DHX36: variants seen among roughly 807,000 people sequenced by gnomAD.
The protein encoded by DHX36 is DEAH-box helicase 36.
A neutral mutation model predicts 139.0 loss-of-function variants in DHX36; 50 were observed. That is an observed-to-expected ratio of 0.36 (90% CI 0.29 to 0.46). The LOEUF (loss-of-function observed/expected upper bound fraction) is 0.46, where lower values mean the gene tolerates loss of function less well. Among genes scored for constraint, DHX36 ranks in the 20% least tolerant of loss-of-function variants. The pLI, the probability that DHX36 is intolerant of heterozygous loss-of-function variation, is 1.00. For synonymous variants in DHX36, 425 were observed against 401.9 expected (o/e 1.06, Z -0.69); for missense variants, 1,024 against 1,211.3 (o/e 0.85, Z 2.29).
At chr3:154,319,228 C>T (rs1713101241) in intron 1 of DHX36, 1 of 152,094 alleles carries the variant, frequency 6.6e-6, no homozygotes, top group Non-Finnish European at 1.5e-5. Flanking sequence ...TTTCTTTTAT[C>T]ATAGAATTTT....
At chr3:154,299,140 T>A (rs1172184757) in intron 12 of DHX36, among the ~76,000 whole-genome samples, 1 of 150,718 alleles carries the variant, frequency 6.6e-6, no homozygotes, top group Non-Finnish European at 1.5e-5. Context: ...GGGCATGGTG[T>A]CACATGCCTG....
intron 3 of DHX36, chr3:154,312,296 A>G (rs1712790940): frequency 6.6e-6 from 1 of 152,214 alleles, no homozygotes. Context: ...TCTGAAACAT[A>G]TAAGCTACTC....
rs1005375565 is a variant in DHX36 at position 154,289,642 on chromosome 3, G to T, written c.1932+67C>A. ...TTCTTGGAGATTAATACAGTACTTT[G>T]TTCTACAAAAGATGTTGAAAATGAG... is the stretch of plus-strand genomic sequence containing the variant. On this transcript the variant is annotated intron_variant, in intron 16 of 24. Coordinates refer to ENST00000496811, the MANE Select transcript of DHX36 (RefSeq NM_020865.3). The T allele has an allele frequency of 4.7e-5, 44 of 936,470 alleles. 2 individuals carry two copies. In the South Asian group the frequency reaches 5.5e-4, roughly 12 times the overall value. 58.0% of individuals were successfully genotyped at this position (936,470 alleles called of 1,614,324 possible).
rs1040416983 is a variant in DHX36, at chr3:154,275,557, G to C, written c.*614C>G. ...GCTCCAGACCGTGCTCTCAATTGCT[G>C]TATTATGAGGCACAGGGTGATATAA... On this transcript the variant is annotated 3_prime_UTR_variant, in exon 25 of 25. Transcript: ENST00000496811. 3 of 152,602 alleles carry C rather than the reference G, an allele frequency of 2.0e-5. No homozygotes were observed. The highest frequency in any genetic ancestry group is 6.5e-5 in the Admixed American group (1 of 15,272). 9.5% of individuals were successfully genotyped at this position (152,602 alleles called of 1,614,324 possible). A position where few individuals can be genotyped will look rare whatever the true frequency, so the allele number is the denominator to read the frequency against.
At chr3:154,277,881 ATATAT>A in intron 22 of DHX36, 163 bp from the exon 23 acceptor site, 1 of 530,652 alleles carries the variant, frequency 1.9e-6, no homozygotes, top group Non-Finnish European at 3.1e-6. Flanking sequence ...TTGCAAAAAA[ATATAT>A]TTATATTTGA....
chr3:154,296,290 C>A (rs528507193), intron 12 of DHX36, among the ~76,000 whole-genome samples: 3 of 151,966 alleles, frequency 2.0e-5, no homozygotes, highest in African/African-American at 7.2e-5. Flanking sequence ...CTGGCTAACA[C>A]GGTGAAACCC....
rs370292953 is a variant in DHX36 at position 154,293,785 on chromosome 3, G to A, written c.1633C>T (p.Arg545Trp). ...QVFKRTPPGV[R>W]KIVIATNIAE... ...ATGTTGGTAGCAATTACTATTTTCC[G>A]AACACCAGGAGGGGTTCTTTTAAAC... Residue 545 changes from arginine to tryptophan, a missense_variant, in exon 14 of 25, where the codon CGG becomes TGG. Physicochemically the swap from Arg to Trp is moderately radical, Grantham distance 101 (BLOSUM62 -3). This residue lies in a region of DHX36 where 470 missense variants were observed against 616.2 expected (regional missense o/e 0.76). Coordinates refer to ENST00000496811, the MANE Select transcript of DHX36 (RefSeq NM_020865.3). 2.0e-5 allele frequency: 33 copies of A among 1,612,610 alleles called. No individual in the cohort carries two copies. The highest frequency in any genetic ancestry group is 1.1e-4 in the African/African-American group (8 of 74,914).
At chr3:154,315,335 G>T in intron 2 of DHX36, 55 bp from the exon 3 acceptor site, 1 of 1,274,872 alleles carries the variant, frequency 7.8e-7, no homozygotes, top group Non-Finnish European at 1.1e-6. Context: ...TCAAACACTG[G>T]AACAAAACAA....
At chr3:154,296,443 C>T (rs1221537907) in intron 12 of DHX36, among the ~76,000 whole-genome samples, 2 of 152,118 alleles carry the variant, frequency 1.3e-5, no homozygotes, top group Non-Finnish European at 2.9e-5. Flanking sequence ...CACTGCACTC[C>T]AGCCTAGGTG....
In DHX36 at chr3:154,324,348, T is replaced by C. The variant is rs1576888630; in HGVS notation, c.69A>G (p.Gly23=). Residue 23 remains glycine (G), a synonymous_variant, in exon 1 of 25, where the codon GGA becomes GGG. Transcript: ENST00000496811. ...GGPRSSGGGY[G]GGPAGGHGGN... ...CTCCATGACCCCCTGCTGGCCCCCC[T>C]CCATAGCCCCCACCGGAGCTGCGGG... 6.3e-7 allele frequency: 1 copy of C among 1,579,846 alleles called. No homozygotes were observed. The highest frequency in any genetic ancestry group is 8.6e-7 in the Non-Finnish European group (1 of 1,163,504).
chr3:154,311,597 T>C (rs1484049191), intron 4 of DHX36, 39 bp downstream of exon 4: 2 of 1,561,360 alleles, frequency 1.3e-6, no homozygotes, highest in Non-Finnish European at 8.7e-7. Flanking sequence ...GTGTATTTAA[T>C]TTGCAAATCA....
At chr3:154,301,303 A>G (rs1420121434) in intron 9 of DHX36, among the ~76,000 whole-genome samples, 176 bp from the exon 10 acceptor site, 4 of 152,204 alleles carry the variant, frequency 2.6e-5, no homozygotes, top group South Asian at 2.1e-4. Flanking sequence ...ATAAAACCTG[A>G]TATTTTGGAT....
rs772791323 is a variant in DHX36, at chr3:154,316,082, CTT to C, written c.323_324del (p.Lys108ArgfsTer12). 2 of 1,613,118 alleles carry C rather than the reference CTT, an allele frequency of 1.2e-6. No individual in the cohort carries two copies. The highest frequency in any genetic ancestry group is 2.2e-5 in the East Asian group (1 of 44,834). The stretch of plus-strand genomic sequence containing the variant: ...AACCAGGATATCTGTGCTTCTGACT[CTT>C]TATCATTCTTCGCTTGAACAGAATT... ...LLNSVQAKND[K>X]ESEAQISWFA... is the part of the protein sequence containing the mutation. On this transcript the variant is annotated frameshift_variant, in exon 2 of 25. Transcript: ENST00000496811. LOFTEE classifies it high-confidence loss of function.
At position 154,276,814 on chromosome 3, in the gene DHX36, T is replaced by C; in HGVS notation, c.2774A>G (p.Gln925Arg). The C allele has an allele frequency of 1.2e-6, 2 of 1,613,962 alleles. No individual in the cohort carries two copies. Reference sequence around the variant, plus strand: ...CCACTCATCTACAGCAATAGTTTCCTGATCGTTATCCTTCTGGATGGAAAT... The same window carrying C: ...CCACTCATCTACAGCAATAGTTTCCCGATCGTTATCCTTCTGGATGGAAAT... ...GDISIQKDND[Q>R]ETIAVDEWIV... Residue 925 changes from glutamine (Q) to arginine (R), a missense_variant, in exon 24 of 25, where the codon CAG (glutamine) becomes CGG (arginine). By Grantham distance (43) the Gln-to-Arg change is conservative. Coordinates refer to ENST00000496811, the MANE Select transcript of DHX36 (RefSeq NM_020865.3).
At chr3:154,308,425 T>C (rs751671138) in intron 5 of DHX36, among the ~76,000 whole-genome samples, 17 of 152,182 alleles carry the variant, frequency 1.1e-4, no homozygotes, top group Admixed American at 6.5e-5. Flanking sequence ...TTATAATTTA[T>C]ACACAGAATT....
At chr3:154,286,300 G>C (rs1024439860) in intron 17 of DHX36, among the ~76,000 whole-genome samples, 2 of 150,424 alleles carry the variant, frequency 1.3e-5, no homozygotes, top group Admixed American at 1.3e-4. Flanking sequence ...TTGTATTAAG[G>C]GTCCCAGAAA....
chr3:154,312,871 AT>A (rs1712820840), intron 3 of DHX36, among the ~76,000 whole-genome samples: 9 of 102,752 alleles, frequency 8.8e-5, no homozygotes, highest in Admixed American at 6.1e-4. Context: ...ATATATATAT[AT>A]ATATATATAT....
chr3:154,301,206 A>T, intron 9 of DHX36, 79 bp from the exon 10 acceptor site: 9 of 1,384,358 alleles, frequency 6.5e-6, no homozygotes, highest in Non-Finnish European at 8.8e-6. Context: ...TTTTATATTT[A>T]GGATTTTCAA....
rs979467197 is a variant in DHX36, at chr3:154,299,937, G to A, written c.1462-12C>T. On this transcript the variant is annotated splice_polypyrimidine_tract_variant and intron_variant, in intron 11 of 24. Coordinates refer to ENST00000496811, the MANE Select transcript of DHX36 (RefSeq NM_020865.3). ...AGTATCGCACCATCCTATATGAAGG[G>A]GAAATAACCATTACAAAGGATCACA... is the stretch of plus-strand genomic sequence containing the variant. 1 of 1,584,468 alleles carries A rather than the reference G, an allele frequency of 6.3e-7. No individual in the cohort carries two copies. Among genetic ancestry groups the A allele is most frequent in the Non-Finnish European group, 8.7e-7 (1 of 1,154,174 alleles).
Sources: gnomAD v4.1 joint callset for allele counts (sites outside exome capture counted in the v4.1 genomes callset) on GRCh38, gnomAD v4.1.1 for gene constraint, gnomAD v4.1.1 regional missense constraint, MANE v1.5 for transcripts, NCBI Gene and HGNC (gene_info 2026-07-23, HGNC 2026-07-21) for gene names.